FOXN2: variants seen among roughly 807,000 people sequenced by gnomAD.
FOXN2 encodes forkhead box N2.
A neutral mutation model predicts 41.2 loss-of-function variants in FOXN2; 19 were observed. The observed-to-expected ratio is 0.46, with a 90% CI of 0.32 to 0.68. FOXN2 has a LOEUF of 0.68. FOXN2 is among the 30% of genes least tolerant of loss of function. The pLI is 0.03. For missense variants in FOXN2, 587 were observed against 509.4 expected, an observed-to-expected ratio of 1.15 and a Z score of -1.47; for synonymous variants, 195 against 176.8, an observed-to-expected ratio of 1.10 and a Z score of -0.82.
intron 2 of FOXN2, among the ~76,000 whole-genome samples, chr2:48,332,838 T>G (rs1212257657): frequency 2.6e-5 from 4 of 152,186 alleles, no homozygotes; most frequent in South Asian, 4.1e-4. Context: ...GTAGGTAGTA[T>G]TATAATTCTA....
chr2:48,324,152 T>C (rs145359627), intron 1 of FOXN2, among the ~76,000 whole-genome samples: 8 of 151,958 alleles, frequency 5.3e-5, no homozygotes, highest in African/African-American at 1.9e-4. Flanking sequence ...AAACATAGTA[T>C]AACGCATAGT....
chr2:48,333,857 G>A (rs1670172644), intron 2 of FOXN2, among the ~76,000 whole-genome samples: 1 of 151,930 alleles, frequency 6.6e-6, no homozygotes, highest in African/African-American at 2.4e-5. Flanking sequence ...AGTTATTTTG[G>A]GGTGTTGCCT....
Position 48,315,433 on chromosome 2 carries a change from C to T in FOXN2, c.-157+619C>T, listed in dbSNP as rs971262737. On this transcript the variant is annotated intron_variant, in intron 1 of 6. Coordinates refer to ENST00000340553, the MANE Select transcript of FOXN2 (RefSeq NM_002158.4). ...TGGGAGCGACCCCGGCACCCTCTCG[C>T]CCCTCCACCGCCTCGAGGGGGCCTC... is the stretch of plus-strand genomic sequence containing the variant. Among the ~76,000 whole-genome samples, 4 of 152,182 alleles carry T rather than the reference C, an allele frequency of 2.6e-5. No homozygotes were observed. The East Asian group carries it at 7.7e-4, about 29-fold the overall frequency.
At chr2:48,374,550 T>G (rs534135469) in intron 6 of FOXN2, among the ~76,000 whole-genome samples, 1 of 152,260 alleles carries the variant, frequency 6.6e-6, no homozygotes, top group Non-Finnish European at 1.5e-5. Context: ...CTTGCATATA[T>G]TCAAGAAAAG....
intron 3 of FOXN2, among the ~76,000 whole-genome samples, chr2:48,354,016 T>C (rs1190120272): frequency 6.6e-6 from 1 of 152,216 alleles, no homozygotes; most frequent in Non-Finnish European, 1.5e-5. Context: ...TTTAGAACTA[T>C]TGTGTTTATA....
chr2:48,321,896 G>C (rs977241990), intron 1 of FOXN2, among the ~76,000 whole-genome samples: 2 of 152,180 alleles, frequency 1.3e-5, no homozygotes, highest in African/African-American at 4.8e-5. Context: ...TACAGGTCTA[G>C]TGGCTGAGAT....
chr2:48,325,807 T>C (rs915784127), intron 1 of FOXN2, among the ~76,000 whole-genome samples: 2 of 151,464 alleles, frequency 1.3e-5, no homozygotes, highest in Non-Finnish European at 2.9e-5. Context: ...GGCCCCTCCA[T>C]AGTCTGGGAT....
At chr2:48,314,936 T>G (rs1668791927) in intron 1 of FOXN2, 122 bp downstream of exon 1, 1 of 151,894 alleles carries the variant, frequency 6.6e-6, no homozygotes, top group South Asian at 2.1e-4. Context: ...CGGAGGCGGC[T>G]GTCCCGTGAC....
Position 48,349,911 on chromosome 2 carries a change from A to G in FOXN2, c.537+3160A>G, listed in dbSNP as rs577600465. ...CAAATTTTAAATCAAATTATTAAAG[A>G]CCAAATGTGAGCTAGCATGACAGCT... On this transcript the variant is annotated intron_variant, in intron 3 of 6. Transcript: ENST00000340553. Among the ~76,000 whole-genome samples, 19 of 152,350 alleles carry G rather than the reference A, an allele frequency of 1.2e-4. 1 individual carries two copies. In the South Asian group the frequency reaches 3.7e-3, roughly 30 times the overall value.
chr2:48,353,344 C>T (rs1572748229), intron 3 of FOXN2, among the ~76,000 whole-genome samples: 1 of 152,144 alleles, frequency 6.6e-6, no homozygotes, highest in South Asian at 2.1e-4. Flanking sequence ...AATTCACTTT[C>T]AGTGGAGAGA....
chr2:48,321,406 A>G (rs1390669200), intron 1 of FOXN2, among the ~76,000 whole-genome samples: 2 of 152,146 alleles, frequency 1.3e-5, no homozygotes, highest in Middle Eastern at 3.4e-3. Flanking sequence ...CGTGGTGGCG[A>G]GTGCCTGTAG....
In FOXN2 at chr2:48,376,034, A is replaced by G. The variant is rs943519854; in HGVS notation, c.*591A>G. ...TCTTTTGGTTACGTAGGTAGAGAATACAACAAAGAGTTCTAAGACTTAGAA... is the reference window on the plus strand; with the variant it reads ...TCTTTTGGTTACGTAGGTAGAGAATGCAACAAAGAGTTCTAAGACTTAGAA... On this transcript the variant is annotated 3_prime_UTR_variant, in exon 7 of 7. Transcript: ENST00000340553. 10 of 152,428 alleles carry G rather than the reference A, an allele frequency of 6.6e-5. No individual in the cohort carries two copies. Among genetic ancestry groups the G allele is most frequent in the African/African-American group, 1.2e-4 (5 of 41,460 alleles). 9.4% of individuals were successfully genotyped at this position (152,428 alleles called of 1,614,324 possible). A position where few individuals can be genotyped will look rare whatever the true frequency, so the allele number is the denominator to read the frequency against.
intron 3 of FOXN2, among the ~76,000 whole-genome samples, chr2:48,357,177 T>C (rs1211335713): frequency 1.3e-5 from 2 of 152,202 alleles, no homozygotes; most frequent in Non-Finnish European, 2.9e-5. Context: ...ACCAGACTGT[T>C]ACTTGAGACC....
chr2:48,327,173 C>T (rs1359048898), intron 1 of FOXN2, among the ~76,000 whole-genome samples: 1 of 151,770 alleles, frequency 6.6e-6, no homozygotes, highest in Admixed American at 6.6e-5. Flanking sequence ...TCAAATTCAA[C>T]AGGTTTTTAA....
At chr2:48,373,779 C>G (rs1673059718) in intron 6 of FOXN2, among the ~76,000 whole-genome samples, 1 of 152,072 alleles carries the variant, frequency 6.6e-6, no homozygotes, top group African/African-American at 2.4e-5. Flanking sequence ...TCTGGTCAGG[C>G]ATGGTGGCTC....
At chr2:48,373,722 G>A (rs1553417660) in intron 6 of FOXN2, among the ~76,000 whole-genome samples, 2 of 152,108 alleles carry the variant, frequency 1.3e-5, no homozygotes, top group South Asian at 2.1e-4. Flanking sequence ...CAAAATCCAT[G>A]AAGGAAAAAA....
intron 2 of FOXN2, 114 bp from the exon 3 acceptor site, chr2:48,346,087 G>A (rs1671078411): frequency 1.2e-6 from 1 of 802,618 alleles, no homozygotes; most frequent in African/African-American, 1.7e-5. Flanking sequence ...AATATTATGT[G>A]GGACAATTGA....
intron 1 of FOXN2, among the ~76,000 whole-genome samples, chr2:48,322,439 T>C (rs1480838515): frequency 6.6e-6 from 1 of 152,160 alleles, no homozygotes; most frequent in Non-Finnish European, 1.5e-5. Context: ...TGAATTAAGT[T>C]TTTGGTTTTA....
At chr2:48,359,826 C>T (rs528611434) in intron 4 of FOXN2, among the ~76,000 whole-genome samples, 2 of 151,930 alleles carry the variant, frequency 1.3e-5, no homozygotes, top group South Asian at 4.2e-4. Context: ...TAATTGTCTG[C>T]AATACTAATG....
Sources: allele counts gnomAD v4.1 joint callset (sites outside exome capture counted in the v4.1 genomes callset), GRCh38; gene constraint gnomAD v4.1.1; transcripts MANE v1.5; gene names NCBI Gene and HGNC (gene_info 2026-07-23, HGNC 2026-07-21).